EFNA5: variants seen among roughly 807,000 people sequenced by gnomAD.
EFNA5 encodes the protein ephrin A5.
EFNA5 carries 5 observed loss-of-function variants against 22.9 expected under a neutral mutation model. The observed-to-expected ratio is 0.22, with a 90% CI of 0.11 to 0.46. The LOEUF (loss-of-function observed/expected upper bound fraction) is 0.46. Among genes scored for constraint, EFNA5 ranks in the 20% least tolerant of loss-of-function variants. The pLI is 0.99. For synonymous variants in EFNA5, 113 were observed against 112.2 expected (o/e 1.01, Z -0.04); for missense variants, 237 against 293.3 (o/e 0.81, Z 1.40).
chr5:107,558,897 G>T (rs144822556), intron 1 of EFNA5, among the ~76,000 whole-genome samples: 33 of 152,316 alleles, frequency 2.2e-4, no homozygotes, highest in African/African-American at 7.9e-4. Context: ...AAAGGAAAGA[G>T]AACAAAAGAA....
chr5:107,623,141 T>C (rs1263016409), intron 1 of EFNA5, among the ~76,000 whole-genome samples: 2 of 148,348 alleles, frequency 1.3e-5, no homozygotes. Flanking sequence ...CCTCCCCAGA[T>C]GGGTTTTACT....
intron 1 of EFNA5, among the ~76,000 whole-genome samples, chr5:107,621,602 C>T (rs539633455): frequency 3.3e-5 from 5 of 152,132 alleles, no homozygotes; most frequent in Non-Finnish European, 7.3e-5. Flanking sequence ...GGCTCCACCC[C>T]CCTGAGGCAG....
At chr5:107,624,905 T>G (rs1403546121) in intron 1 of EFNA5, among the ~76,000 whole-genome samples, 2 of 152,118 alleles carry the variant, frequency 1.3e-5, no homozygotes, top group Non-Finnish European at 2.9e-5. Context: ...ATATAAACAT[T>G]CATTTACCAA....
At chr5:107,518,448 T>C (rs1025147319) in intron 1 of EFNA5, among the ~76,000 whole-genome samples, 3 of 151,886 alleles carry the variant, frequency 2.0e-5, no homozygotes, top group African/African-American at 7.3e-5. Context: ...TCATGCTTAA[T>C]AGAAGGGCAG....
At chr5:107,486,705 A>G (rs1746630808) in intron 1 of EFNA5, among the ~76,000 whole-genome samples, 2 of 152,208 alleles carry the variant, frequency 1.3e-5, no homozygotes, top group Non-Finnish European at 2.9e-5. Flanking sequence ...ACAAAACCAC[A>G]AGACTGAAGA....
rs1747442031 is a variant in EFNA5, at chr5:107,381,051, C to CGGGGTGGGGGG, written c.*203_*204insCCCCCCACCCC. On this transcript the variant is annotated 3_prime_UTR_variant, in exon 5 of 5. Coordinates refer to ENST00000333274, the MANE Select transcript of EFNA5 (RefSeq NM_001962.3). ...CCAAGGGCCAGGGCTGGGGGTGGGG[C>CGGGGTGGGGGG]GGGGTGGGGTGAGGGAGGCAGGAAC... 3.3e-6 allele frequency: 1 copy of CGGGGTGGGGGG among 303,010 alleles called. No homozygotes were observed. The highest frequency in any genetic ancestry group is 6.8e-5 in the African/African-American group (1 of 14,710). 18.8% of individuals were successfully genotyped at this position (303,010 alleles called of 1,614,324 possible). A position where few individuals can be genotyped will look rare whatever the true frequency, so the allele number is the denominator to read the frequency against.
chr5:107,646,729 G>T (rs1750639558), intron 1 of EFNA5, among the ~76,000 whole-genome samples: 1 of 152,074 alleles, frequency 6.6e-6, no homozygotes. Context: ...ATATTTACAT[G>T]GTGAGGGGGA....
At chr5:107,559,948 A>G (rs1748502123) in intron 1 of EFNA5, among the ~76,000 whole-genome samples, 1 of 152,178 alleles carries the variant, frequency 6.6e-6, no homozygotes, top group South Asian at 2.1e-4. Flanking sequence ...TTTCTTTAAT[A>G]TGTGTTCTGA....
intron 1 of EFNA5, among the ~76,000 whole-genome samples, chr5:107,470,350 A>C (rs2288385): frequency 0.059 from 8,929 of 152,328 alleles, 318 homozygotes; most frequent in East Asian, 0.15. Flanking sequence ...GACCCAAAGC[A>C]AATGACACCC....
At chr5:107,537,473 C>T (rs915958559) in intron 1 of EFNA5, among the ~76,000 whole-genome samples, 1 of 152,164 alleles carries the variant, frequency 6.6e-6, no homozygotes, top group Non-Finnish European at 1.5e-5. Context: ...GTGGCGGCTG[C>T]CTGTAATCCC....
chr5:107,526,392 G>A (rs1747696782), intron 1 of EFNA5, among the ~76,000 whole-genome samples: 1 of 152,180 alleles, frequency 6.6e-6, no homozygotes, highest in Non-Finnish European at 1.5e-5. Flanking sequence ...AGGTTTGCCT[G>A]AAAACATTCT....
intron 2 of EFNA5, among the ~76,000 whole-genome samples, chr5:107,394,396 T>G (rs1046057217): frequency 3.3e-5 from 5 of 152,130 alleles, no homozygotes; most frequent in Admixed American, 6.5e-5. Flanking sequence ...ATTAGAAACT[T>G]TGATATGACT....
At chr5:107,489,681 C>T (rs1746749270) in intron 1 of EFNA5, among the ~76,000 whole-genome samples, 1 of 145,912 alleles carries the variant, frequency 6.9e-6, no homozygotes, top group Non-Finnish European at 1.5e-5. Context: ...CAAGATCTAA[C>T]ACTAATGTTT....
intron 2 of EFNA5, among the ~76,000 whole-genome samples, chr5:107,404,474 AT>A (rs987989980): frequency 9.9e-5 from 15 of 152,184 alleles, no homozygotes; most frequent in African/African-American, 3.4e-4. Flanking sequence ...TACTATTAAT[AT>A]TTTTATAACA....
chr5:107,604,829 C>T (rs1749677737), intron 1 of EFNA5, among the ~76,000 whole-genome samples: 1 of 152,132 alleles, frequency 6.6e-6, no homozygotes, highest in Non-Finnish European at 1.5e-5. Context: ...CTATTCCCAT[C>T]ACGGTAGTTC....
chr5:107,666,829 T>C (rs1280498727), intron 1 of EFNA5, among the ~76,000 whole-genome samples: 1 of 152,124 alleles, frequency 6.6e-6, no homozygotes, highest in African/African-American at 2.4e-5. Context: ...AGTATATTCT[T>C]ATTAGAAGCA....
At position 107,606,596 on chromosome 5, in the gene EFNA5, C is replaced by A. The variant is rs560678486; in HGVS notation, c.125+63893G>T. Among the ~76,000 whole-genome samples, 10 of 150,632 alleles carry A rather than the reference C, an allele frequency of 6.6e-5. No homozygotes were observed. The East Asian group carries it at 1.6e-3, about 23-fold the overall frequency. On this transcript the variant is annotated intron_variant, in intron 1 of 4. Transcript: ENST00000333274. ...ACACACACACACAGAGCTAGTAATG[C>A]GGTATAGCAGAATTTTTATCTGAGC...
At chr5:107,655,290 T>A (rs370507852) in intron 1 of EFNA5, among the ~76,000 whole-genome samples, 1 of 152,124 alleles carries the variant, frequency 6.6e-6, no homozygotes, top group East Asian at 1.9e-4. Flanking sequence ...GCTCATTCCC[T>A]TGACAAATTT....
intron 1 of EFNA5, among the ~76,000 whole-genome samples, chr5:107,640,181 T>C (rs1170457574): frequency 1.3e-5 from 2 of 152,112 alleles, no homozygotes; most frequent in East Asian, 1.9e-4. Flanking sequence ...AACGGAAACT[T>C]TGGGGGAAGG....
Sources: gnomAD v4.1 joint callset for allele counts (sites outside exome capture counted in the v4.1 genomes callset) on GRCh38, gnomAD v4.1.1 for gene constraint, MANE v1.5 for transcripts, NCBI Gene and HGNC (gene_info 2026-07-23, HGNC 2026-07-21) for gene names.